Variants in ACTN2 observed in about 807,000 individuals in gnomAD.
ACTN2 encodes the protein alpha-actinin-2.
A neutral mutation model predicts 113.8 loss-of-function variants in ACTN2; 39 were observed. That is an observed-to-expected ratio of 0.34 (90% confidence interval 0.27 to 0.45). The LOEUF is 0.45. Ranked by LOEUF, ACTN2 falls within the 20% of genes least tolerant of loss-of-function variation. The pLI is 1.00. For synonymous variants in ACTN2, 429 were observed against 444.1 expected (o/e 0.97, Z 0.43); for missense variants, 992 against 1,177.9 (o/e 0.84, Z 2.31).
chr1:236,709,331 T>C (rs1428188376), intron 1 of ACTN2, among the ~76,000 whole-genome samples: 2 of 137,220 alleles, frequency 1.5e-5, no homozygotes, highest in East Asian at 4.0e-4. Context: ...TATATACATG[T>C]ATATATATAC....
chr1:236,749,227 A>C lies in ACTN2; in HGVS notation c.1619A>C (p.Gln540Pro). ...NWMEGAMEDL[Q>P]DMFIVHSIEE... is the part of the protein sequence containing the mutation. ...ATGGAGGGCGCTATGGAGGATCTGCAAGATATGTTCATTGTCCACAGCATT... is the reference window on the plus strand; with the variant it reads ...ATGGAGGGCGCTATGGAGGATCTGCCAGATATGTTCATTGTCCACAGCATT... The change falls in exon 14 of 21, where the codon CAA becomes CCA. Residue 540 changes from glutamine (Q) to proline (P), a missense_variant. Coordinates refer to ENST00000366578, the MANE Select transcript of ACTN2 (RefSeq NM_001103.4). 1 of 1,614,208 alleles carries C rather than the reference A, an allele frequency of 6.2e-7. No homozygotes were observed. The highest frequency in any genetic ancestry group is 8.5e-7 in the Non-Finnish European group (1 of 1,180,034).
intron 1 of ACTN2, among the ~76,000 whole-genome samples, chr1:236,715,207 G>A (rs542390554): frequency 1.3e-5 from 2 of 148,642 alleles, no homozygotes; most frequent in Admixed American, 1.3e-4. Flanking sequence ...TGCACAACGT[G>A]TAGGTTTGTT....
At chr1:236,694,383 C>T (rs138950500) in intron 1 of ACTN2, among the ~76,000 whole-genome samples, 72 of 151,826 alleles carry the variant, frequency 4.7e-4, no homozygotes, top group East Asian at 2.9e-3. Flanking sequence ...CCACCACGCC[C>T]GGCTAATTTT....
At chr1:236,697,826 C>T (rs899010157) in intron 1 of ACTN2, among the ~76,000 whole-genome samples, 9 of 149,486 alleles carry the variant, frequency 6.0e-5, no homozygotes, top group African/African-American at 1.5e-4. Context: ...TGCAATGGCA[C>T]GATCTTGGCT....
intron 11 of ACTN2, 120 bp downstream of exon 11, chr1:236,743,163 C>T (rs1390613872): frequency 1.6e-6 from 2 of 1,236,976 alleles, no homozygotes; most frequent in African/African-American, 3.0e-5. Flanking sequence ...TAGGTGTCGT[C>T]ACCTTTCTCT....
rs942568236 is a variant in ACTN2, at chr1:236,686,501, A to G, written c.-173A>G. On this transcript the variant is annotated 5_prime_UTR_variant, in exon 1 of 21. Transcript: ENST00000366578. ...CCGCGCGGCAGCTGCTCGCAGCCGG[A>G]GCTGGTGCTTCGCCCGAGACCCAGC... 11 of 573,054 alleles carry G rather than the reference A, an allele frequency of 1.9e-5. No individual in the cohort carries two copies. In the African/African-American group the frequency reaches 2.2e-4, roughly 12 times the overall value. 35.5% of individuals were successfully genotyped at this position (573,054 alleles called of 1,614,324 possible).
chr1:236,720,331 G>C, intron 4 of ACTN2, 140 bp downstream of exon 4: 1 of 730,026 alleles, frequency 1.4e-6, no homozygotes, highest in Non-Finnish European at 2.4e-6. Flanking sequence ...TATAAATTTT[G>C]TATGTGTATA....
chr1:236,736,626 A>G (rs1658885358), intron 8 of ACTN2: 3 of 1,535,520 alleles, frequency 2.0e-6, no homozygotes, highest in Non-Finnish European at 2.6e-6. Context: ...CTACATGTTC[A>G]TATCAGGAGA....
Position 236,764,333 on chromosome 1 carries a change from C to T in ACTN2, c.*1714C>T, listed in dbSNP as rs936940479. ...GTAGGTGCTATATCCCGGCCATAAA[C>T]CCCTATAGAAAAGCCAGAAAGTTGT... On this transcript the variant is annotated 3_prime_UTR_variant, in exon 21 of 21. Transcript: ENST00000366578. 6.6e-6 allele frequency: 1 copy of T among 152,142 alleles called. No individual in the cohort carries two copies. 9.4% of individuals were successfully genotyped at this position (152,142 alleles called of 1,614,324 possible). A position where few individuals can be genotyped will look rare whatever the true frequency, so the allele number is the denominator to read the frequency against.
intron 5 of ACTN2, among the ~76,000 whole-genome samples, chr1:236,726,324 A>G (rs944440855): frequency 3.9e-5 from 6 of 152,170 alleles, no homozygotes; most frequent in Non-Finnish European, 8.8e-5. Flanking sequence ...GGTATTGGGA[A>G]AAGGCAGCAG....
In ACTN2 at chr1:236,754,289, C is replaced by T. The variant is rs1438287272; in HGVS notation, c.1974+208C>T. Among the ~76,000 whole-genome samples the T allele has an allele frequency of 2.0e-5, 3 of 152,136 alleles. No individual in the cohort carries two copies. Among genetic ancestry groups the T allele is most frequent in the Non-Finnish European group, 4.4e-5 (3 of 68,024 alleles). Reference sequence around the variant, plus strand: ...GAGCACAATATGGAATGCAGGAAGGCGGCACTCAAGGAAGGGGAGGGGGGT... The same window carrying T: ...GAGCACAATATGGAATGCAGGAAGGTGGCACTCAAGGAAGGGGAGGGGGGT... On this transcript the variant is annotated intron_variant, in intron 16 of 20. Coordinates refer to ENST00000366578, the MANE Select transcript of ACTN2 (RefSeq NM_001103.4). The surrounding 1 kb of genome is among the most constrained non-coding windows in gnomAD (Gnocchi z 4.9).
chr1:236,734,735 T>C lies in ACTN2; in HGVS notation c.698-900T>C, dbSNP rs819643. 0.94 allele frequency among the ~76,000 whole-genome samples: 143,259 copies of C among 152,246 alleles called. 67,507 individuals are homozygous for C. Among genetic ancestry groups the C allele is most frequent in the African/African-American group, 0.98 (40,887 of 41,540 alleles). On this transcript the variant is annotated intron_variant, in intron 7 of 20. Coordinates refer to ENST00000366578, the MANE Select transcript of ACTN2 (RefSeq NM_001103.4). ...TTCATGTTTGTTTTCTGGAAGATTCTATAGTTACACAACCCCACATCCTTT... is the reference window on the plus strand; with the variant it reads ...TTCATGTTTGTTTTCTGGAAGATTCCATAGTTACACAACCCCACATCCTTT...
At chr1:236,742,017 T>G (rs901984502) in intron 10 of ACTN2, among the ~76,000 whole-genome samples, 3 of 151,670 alleles carry the variant, frequency 2.0e-5, no homozygotes, top group African/African-American at 7.3e-5. Flanking sequence ...GGCGTTCGAG[T>G]TTTTTCCCCT....
At chr1:236,722,981 GA>G (rs1658446307) in intron 4 of ACTN2, among the ~76,000 whole-genome samples, 1 of 152,218 alleles carries the variant, frequency 6.6e-6, no homozygotes, top group Admixed American at 6.5e-5. Context: ...GTAACCAATT[GA>G]AGAAGGAAAA....
rs1462687274 is a variant in ACTN2, at chr1:236,731,361, A to G, written c.697+47A>G. 6.8e-6 allele frequency: 10 copies of G among 1,475,660 alleles called. No individual in the cohort carries two copies. The African/African-American group carries it at 1.2e-4, about 18-fold the overall frequency. The allele number at this position is 1,475,660 out of a possible 1,614,324, so 91.4% of individuals were successfully genotyped here. ...CTGAGTTACAGGAAATTTGAAGACT[A>G]CAAATGTTATGGCTACACATTGGGA... On this transcript the variant is annotated intron_variant, in intron 7 of 20. Coordinates refer to ENST00000366578, the MANE Select transcript of ACTN2 (RefSeq NM_001103.4).
rs528726906 is a variant in ACTN2 at position 236,762,990 on chromosome 1, A to T, written c.*371A>T. 5 of 322,514 alleles carry T rather than the reference A, an allele frequency of 1.6e-5. No individual in the cohort carries two copies. The highest frequency in any genetic ancestry group is 3.0e-5 in the Non-Finnish European group (5 of 167,130). 20.0% of individuals were successfully genotyped at this position (322,514 alleles called of 1,614,324 possible). On this transcript the variant is annotated 3_prime_UTR_variant, in exon 21 of 21. Transcript: ENST00000366578. ...TACCCAAGATTTAAGACCGGGGGGA[A>T]AAAACCACAAATTGGTAAATAAAGG...
chr1:236,755,310 G>T, intron 17 of ACTN2, 112 bp downstream of exon 17: 1 of 1,281,466 alleles, frequency 7.8e-7, no homozygotes, highest in Non-Finnish European at 1.1e-6. Context: ...AGACCTACAA[G>T]TATGAAAGTT....
intron 1 of ACTN2, among the ~76,000 whole-genome samples, chr1:236,688,345 G>GT (rs1253928558): frequency 1.3e-5 from 2 of 151,154 alleles, no homozygotes; most frequent in Non-Finnish European, 2.9e-5. Flanking sequence ...ATTTTTGAAA[G>GT]TGATGGTCTA....
At chr1:236,720,673 A>G (rs1162712913) in intron 4 of ACTN2, among the ~76,000 whole-genome samples, 1 of 151,874 alleles carries the variant, frequency 6.6e-6, no homozygotes, top group Non-Finnish European at 1.5e-5. Context: ...CTTTTGGCCT[A>G]ACTACTGTTT....
Sources: allele counts gnomAD v4.1 joint callset (sites outside exome capture counted in the v4.1 genomes callset), GRCh38; gene constraint gnomAD v4.1.1; non-coding constraint Gnocchi (gnomAD v3.1); transcripts MANE v1.5; gene names NCBI Gene and HGNC (gene_info 2026-07-23, HGNC 2026-07-21).